BAP1: variants seen among roughly 807,000 people sequenced by gnomAD.
BAP1 encodes ubiquitin carboxyl-terminal hydrolase BAP1.
In BAP1, 16 loss-of-function variants were observed where a neutral mutation model predicts 77.2. That is an observed-to-expected ratio of 0.21 (90% CI 0.14 to 0.31). BAP1 has a LOEUF of 0.31. Among genes scored for constraint, BAP1 ranks in the 10% least tolerant of loss-of-function variants. The probability of loss-of-function intolerance (pLI) is 1.00; values close to 1 mark genes in which losing one functional copy is unlikely to be tolerated. For synonymous variants in BAP1, 362 were observed against 385.2 expected, an observed-to-expected ratio of 0.94 and a Z score of 0.71; for missense variants, 699 against 967.3, an observed-to-expected ratio of 0.72 and a Z score of 3.68.
chr3:52,409,126 G>A (rs1025075366), intron 3 of BAP1, among the ~76,000 whole-genome samples: 1 of 152,212 alleles, frequency 6.6e-6, no homozygotes, highest in Non-Finnish European at 1.5e-5. Flanking sequence ...CAGGACCACT[G>A]GGAAAAGACT....
At position 52,401,906 on chromosome 3, in the gene BAP1, T is replaced by G; in HGVS notation, c.*382A>C. The G allele has an allele frequency of 2.6e-6, 1 of 381,250 alleles. No individual in the cohort carries two copies. The highest frequency in any genetic ancestry group is 4.9e-6 in the Non-Finnish European group (1 of 204,896). The allele number at this position is 381,250 out of a possible 1,614,324, so 23.6% of individuals were successfully genotyped here. On this transcript the variant is annotated 3_prime_UTR_variant, in exon 17 of 17. Transcript: ENST00000460680. ...ACAGCTCCTAGGAGAGAAAGCATAG[T>G]CAGGTAGGAACTTATGTCAACATGG...
rs1705323957 is a variant in BAP1 at position 52,409,935 on chromosome 3, C to T, written c.-57G>A. 1.9e-6 allele frequency: 3 copies of T among 1,587,780 alleles called. No homozygotes were observed. The highest frequency in any genetic ancestry group is 1.7e-5 in the Admixed American group (1 of 59,292). On this transcript the variant is annotated 5_prime_UTR_variant, in exon 1 of 17. Transcript: ENST00000460680. ...CCAGGCCCTCCCTCCCCACCGCTGC[C>T]CCCACCGGGAGCCCCCACCGCCCCC...
Position 52,403,965 on chromosome 3 carries a change from C to A in BAP1, c.1251-71G>T. 1 of 1,514,400 alleles carries A rather than the reference C, an allele frequency of 6.6e-7. No individual in the cohort carries two copies. The allele number at this position is 1,514,400 out of a possible 1,614,324, so 93.8% of individuals were successfully genotyped here. A position where few individuals can be genotyped will look rare whatever the true frequency, so the allele number is the denominator to read the frequency against. On this transcript the variant is annotated intron_variant, in intron 12 of 16. Transcript: ENST00000460680. The surrounding 1 kb of genome is among the most constrained non-coding windows in gnomAD (Gnocchi z 4.0). ...CCATACCCAGCAGTACCCAGAATGG[C>A]TTAAATACATCCCGACCTCCAGGGG... is the stretch of plus-strand genomic sequence containing the variant.
rs761029538 is a variant in BAP1 at position 52,405,160 on chromosome 3, G to T, written c.1066C>A (p.Arg356=). The T allele has an allele frequency of 1.2e-6, 2 of 1,614,140 alleles. No homozygotes were observed. The highest frequency in any genetic ancestry group is 1.7e-6 in the Non-Finnish European group (2 of 1,180,028). ...VHPNPTPIVQ[R]LPAFLDNHNY... ...TGATTGTCTAGAAAGGCCGGCAGCC[G>T]CTGGACAATGGGAGTGGGGTTGGGG... The change falls in exon 11 of 17, where the codon CGG becomes AGG. Residue 356 remains arginine, a synonymous_variant. Coordinates refer to ENST00000460680, the MANE Select transcript of BAP1 (RefSeq NM_004656.4).
rs776634869 is a variant in BAP1 at position 52,403,634 on chromosome 3, T to C, written c.1511A>G (p.Asn504Ser). ...GCGGATAGGCGAGCGCAGTGGCGAG[T>C]TGAAAGCACTGCCGATCTCAGAGGC... ...DTASEIGSAF[N>S]SPLRSPIRSA... is the part of the protein sequence containing the mutation. The change falls in exon 13 of 17, where the codon AAC becomes AGC. Residue 504 changes from asparagine to serine, a missense_variant. Around this residue, in one of 3 missense-constraint regions of BAP1, gnomAD observed 475 missense variants for 532.4 expected, o/e 0.89. Coordinates refer to ENST00000460680, the MANE Select transcript of BAP1 (RefSeq NM_004656.4). This position sits in a 1 kb window ranked among gnomAD's most constrained non-coding sequence, Gnocchi z 4.0. 1.9e-6 allele frequency: 3 copies of C among 1,613,648 alleles called. No individual in the cohort carries two copies. Among genetic ancestry groups the C allele is most frequent in the Admixed American group, 3.3e-5 (2 of 59,996 alleles).
rs567707280 is a variant in BAP1 at position 52,403,687 on chromosome 3, G to A, written c.1458C>T (p.Pro486=). 1.2e-6 allele frequency: 2 copies of A among 1,613,934 alleles called. No homozygotes were observed. The highest frequency in any genetic ancestry group is 1.7e-6 in the Non-Finnish European group (2 of 1,179,890). Residue 486 remains proline (P), a synonymous_variant, in exon 13 of 17, where the codon CCC becomes CCT. Coordinates refer to ENST00000460680, the MANE Select transcript of BAP1 (RefSeq NM_004656.4). This position sits in a 1 kb window ranked among gnomAD's most constrained non-coding sequence, Gnocchi z 4.0. ...TGTCTGTACTCTCATTGCTGGGGGTGGGTGAGGGCTGCGAGTGTGTGGGCA... is the reference window on the plus strand; with the variant it reads ...TGTCTGTACTCTCATTGCTGGGGGTAGGTGAGGGCTGCGAGTGTGTGGGCA... ...VAVPTHSQPS[P]TPSNESTDTA...
Position 52,405,492 on chromosome 3 carries a change from G to GGAA in BAP1, c.932-199_932-198insTTC. On this transcript the variant is annotated intron_variant, in intron 10 of 16. Coordinates refer to ENST00000460680, the MANE Select transcript of BAP1 (RefSeq NM_004656.4). ...TGAGATGGGAAAAAAGAAGCAGGAA[G>GGAA]AAAAAAAAAAAAAAAAAAAAAAAAA... 5.0e-5 allele frequency: 4 copies of GGAA among 79,626 alleles called. No individual in the cohort carries two copies. In the South Asian group the frequency reaches 6.7e-4, roughly 13 times the overall value. The allele number at this position is 79,626 out of a possible 1,614,324, so 4.9% of individuals were successfully genotyped here. A position where few individuals can be genotyped will look rare whatever the true frequency, so the allele number is the denominator to read the frequency against.
chr3:52,404,540 A>G lies in BAP1; in HGVS notation c.1163T>C (p.Val388Ala), dbSNP rs2153226871. Residue 388 changes from valine (V) to alanine (A), a missense_variant, in exon 12 of 17, where the codon GTC becomes GCC. Val to Ala is a moderately conservative substitution (Grantham distance 64). This residue lies in a region of BAP1 where 475 missense variants were observed against 532.4 expected (regional missense o/e 0.89). Transcript: ENST00000460680. Reference sequence around the variant, plus strand: ...ATCTGAGTACTGCTGGGGTGGGCGGACTGGAACTCGGCTGCGGCCCACACC... The same window carrying G: ...ATCTGAGTACTGCTGGGGTGGGCGGGCTGGAACTCGGCTGCGGCCCACACC... ...AAGVGRSRVP[V>A]RPPQQYSDDE... 2 of 1,613,948 alleles carry G rather than the reference A, an allele frequency of 1.2e-6. No individual in the cohort carries two copies. Among genetic ancestry groups the G allele is most frequent in the Non-Finnish European group, 1.7e-6 (2 of 1,179,992 alleles).
chr3:52,406,594 A>T lies in BAP1; in HGVS notation c.660-218T>A, dbSNP rs1437280609. ...GGCCTATCTGGAAGTGAACCAGCAGACCTGGGCTGCCTAAGGCTCCACTGA... is the reference window on the plus strand; with the variant it reads ...GGCCTATCTGGAAGTGAACCAGCAGTCCTGGGCTGCCTAAGGCTCCACTGA... On this transcript the variant is annotated intron_variant, in intron 8 of 16. Coordinates refer to ENST00000460680, the MANE Select transcript of BAP1 (RefSeq NM_004656.4). This position sits in a 1 kb window ranked among gnomAD's most constrained non-coding sequence, Gnocchi z 4.6. 24 of 898,230 alleles carry T rather than the reference A, an allele frequency of 2.7e-5. No individual in the cohort carries two copies. The Admixed American group carries it at 5.1e-4, about 19-fold the overall frequency. The allele number at this position is 898,230 out of a possible 1,614,324, so 55.6% of individuals were successfully genotyped here. A position where few individuals can be genotyped will look rare whatever the true frequency, so the allele number is the denominator to read the frequency against.
chr3:52,405,520 AAC>A (rs1705127509), intron 10 of BAP1: 4 of 599,638 alleles, frequency 6.7e-6, no homozygotes, highest in African/African-American at 6.1e-5. Flanking sequence ...AAAAAAAAAA[AAC>A]CGCCTCTAGA....
chr3:52,402,159 C>T lies in BAP1; in HGVS notation c.*129G>A. On this transcript the variant is annotated 3_prime_UTR_variant, in exon 17 of 17. Coordinates refer to ENST00000460680, the MANE Select transcript of BAP1 (RefSeq NM_004656.4). The surrounding 1 kb of genome is among the most constrained non-coding windows in gnomAD (Gnocchi z 5.3). The stretch of plus-strand genomic sequence containing the variant: ...GGAAGGAATGTGGCCTGGTTCCTCC[C>T]ATTCCCAGGGCCTGGACTCTCCAGC... The T allele has an allele frequency of 6.9e-7, 1 of 1,442,150 alleles. No individual in the cohort carries two copies. Among genetic ancestry groups the T allele is most frequent in the Non-Finnish European group, 9.3e-7 (1 of 1,070,840 alleles). The allele number at this position is 1,442,150 out of a possible 1,614,324, so 89.3% of individuals were successfully genotyped here. A position where few individuals can be genotyped will look rare whatever the true frequency, so the allele number is the denominator to read the frequency against.
rs1436965478 is a variant in BAP1 at position 52,401,074 on chromosome 3, G to A, written c.*1214C>T. 4.3e-6 allele frequency: 1 copy of A among 232,296 alleles called. No individual in the cohort carries two copies. Among genetic ancestry groups the A allele is most frequent in the East Asian group, 6.1e-5 (1 of 16,332 alleles). 14.4% of individuals were successfully genotyped at this position (232,296 alleles called of 1,614,324 possible). ...TCCAGTATTTACAGGGGCTAGAGGGGTCAAGCTGTGCTCAGCCCAGAGGCA... is the reference window on the plus strand; with the variant it reads ...TCCAGTATTTACAGGGGCTAGAGGGATCAAGCTGTGCTCAGCCCAGAGGCA... On this transcript the variant is annotated 3_prime_UTR_variant, in exon 17 of 17. Coordinates refer to ENST00000460680, the MANE Select transcript of BAP1 (RefSeq NM_004656.4).
rs1232391411 is a variant in BAP1, at chr3:52,402,440, C to T, written c.2057-19G>A. The T allele has an allele frequency of 1.9e-6, 3 of 1,570,816 alleles. No individual in the cohort carries two copies. Among genetic ancestry groups the T allele is most frequent in the South Asian group, 2.3e-5 (2 of 86,884 alleles). ...AGCATGCCTGCGAAGAGGTAGAGAC[C>T]CTTGAGCAGGTGCTGGCTGCCTCAG... On this transcript the variant is annotated intron_variant, in intron 16 of 16. Coordinates refer to ENST00000460680, the MANE Select transcript of BAP1 (RefSeq NM_004656.4). This position sits in a 1 kb window ranked among gnomAD's most constrained non-coding sequence, Gnocchi z 5.3.
rs1345673378 is a variant in BAP1, at chr3:52,406,936, G to A, written c.581-29C>T. 6.4e-6 allele frequency: 10 copies of A among 1,559,104 alleles called. No homozygotes were observed. In the South Asian group the frequency reaches 7.1e-5, roughly 11 times the overall value. On this transcript the variant is annotated intron_variant, in intron 7 of 16. Coordinates refer to ENST00000460680, the MANE Select transcript of BAP1 (RefSeq NM_004656.4). This position sits in a 1 kb window ranked among gnomAD's most constrained non-coding sequence, Gnocchi z 4.6. ...GTGGAGACCAAGACAAGGAATCAGC[G>A]AGAAGGAAACCCTGAGTTTGGGCAG...
In BAP1 at chr3:52,403,704, G is replaced by T. The variant is rs764816701; in HGVS notation, c.1441C>A (p.His481Asn). 53 of 1,613,934 alleles carry T rather than the reference G, an allele frequency of 3.3e-5. No homozygotes were observed. Among genetic ancestry groups the T allele is most frequent in the Non-Finnish European group, 4.1e-5 (48 of 1,180,010 alleles). Residue 481 changes from histidine (H) to asparagine (N), a missense_variant, in exon 13 of 17, where the codon CAC (histidine) becomes AAC (asparagine). His to Asn is a moderately conservative substitution (Grantham distance 68, BLOSUM62 1). Transcript: ENST00000460680. This position sits in a 1 kb window ranked among gnomAD's most constrained non-coding sequence, Gnocchi z 4.0. ...AGSPAVAVPT[H>N]SQPSPTPSNE... ...CTGGGGGTGGGTGAGGGCTGCGAGT[G>T]TGTGGGCACTGCCACAGCCGGACTC...
Position 52,405,208 on chromosome 3 carries a change from C to T in BAP1, c.1018G>A (p.Gly340Ser), listed in dbSNP as rs755950173. ...GGGTGAACCCCATTGAGGCTGCTGC[C>T]TGGAGGCTTCACCACTAGCTTGGGT... ...NKPKLVVKPP[G>S]SSLNGVHPNP... is the part of the protein sequence containing the mutation. Residue 340 changes from glycine (G) to serine (S), a missense_variant, in exon 11 of 17, where the codon GGC becomes AGC. By Grantham distance (56) the Gly-to-Ser change is moderately conservative. This residue lies in a region of BAP1 where 475 missense variants were observed against 532.4 expected (regional missense o/e 0.89). Coordinates refer to ENST00000460680, the MANE Select transcript of BAP1 (RefSeq NM_004656.4). 6.2e-7 allele frequency: 1 copy of T among 1,614,102 alleles called. No individual in the cohort carries two copies. The highest frequency in any genetic ancestry group is 1.1e-5 in the South Asian group (1 of 91,086).
At chr3:52,408,759 C>G (rs1383787648) in intron 3 of BAP1, among the ~76,000 whole-genome samples, 153 bp from the exon 4 acceptor site, 1 of 152,244 alleles carries the variant, frequency 6.6e-6, no homozygotes, top group African/African-American at 2.4e-5. Context: ...AACACTGTGT[C>G]TGAAGTGGCC....
Position 52,409,914 on chromosome 3 carries a change from G to GC in BAP1, c.-37dup, listed in dbSNP as rs763678232. ...GGCGGCCCCTCAGCGCCATGTCCAGGCCCTCCCTCCCCACCGCTGCCCCCA... is the reference window on the plus strand; with the variant it reads ...GGCGGCCCCTCAGCGCCATGTCCAGGCCCCTCCCTCCCCACCGCTGCCCCCA... On this transcript the variant is annotated 5_prime_UTR_variant, in exon 1 of 17. Coordinates refer to ENST00000460680, the MANE Select transcript of BAP1 (RefSeq NM_004656.4). The GC allele has an allele frequency of 6.2e-7, 1 of 1,600,950 alleles. No individual in the cohort carries two copies. Among genetic ancestry groups the GC allele is most frequent in the East Asian group, 2.2e-5 (1 of 44,820 alleles).
At position 52,402,512 on chromosome 3, in the gene BAP1, C is replaced by T. The variant is rs1483750559; in HGVS notation, c.2056+90G>A. 1.2e-6 allele frequency: 2 copies of T among 1,608,866 alleles called. No homozygotes were observed. Among genetic ancestry groups the T allele is most frequent in the African/African-American group, 2.7e-5 (2 of 74,754 alleles). On this transcript the variant is annotated intron_variant, in intron 16 of 16. Coordinates refer to ENST00000460680, the MANE Select transcript of BAP1 (RefSeq NM_004656.4). This position sits in a 1 kb window ranked among gnomAD's most constrained non-coding sequence, Gnocchi z 5.3. ...GGCCCTCCCTGTGCCCCAAGGTCTG[C>T]TCAAGCCTCAGGAGAGGCCAGGGGA...
Sources: allele counts gnomAD v4.1 joint callset (sites outside exome capture counted in the v4.1 genomes callset), GRCh38; gene constraint gnomAD v4.1.1; regional missense constraint gnomAD v4.1.1; non-coding constraint Gnocchi (gnomAD v3.1); transcripts MANE v1.5; gene names NCBI Gene and HGNC (gene_info 2026-07-23, HGNC 2026-07-21).